DNAH2: variants seen among roughly 807,000 people sequenced by gnomAD.
The protein encoded by DNAH2 is axonemal beta dynein heavy chain 2.
DNAH2 carries 323 observed loss-of-function variants against 523.5 expected under a neutral mutation model. The observed-to-expected ratio is 0.62, with a 90% CI of 0.56 to 0.68. The LOEUF is 0.68. Ranked by LOEUF, DNAH2 falls within the 30% of genes least tolerant of loss-of-function variation. The probability of loss-of-function intolerance (pLI) is 0.00; values close to 1 mark genes in which losing one functional copy is unlikely to be tolerated. For missense variants in DNAH2, 4,907 were observed against 5,701.5 expected (o/e 0.86, Z 4.49); for synonymous variants, 2,093 against 2,177.4 (o/e 0.96, Z 1.08).
chr17:7,722,198 G>T (rs76039527), intron 2 of DNAH2, among the ~76,000 whole-genome samples: 6 of 132,458 alleles, frequency 4.5e-5, no homozygotes, highest in African/African-American at 1.7e-4. Context: ...GGGGGGGGGG[G>T]TTCACCATCT....
In DNAH2 at chr17:7,828,311, T is replaced by G. The variant is rs1326873135; in HGVS notation, c.11854-1989T>G. Reference sequence around the variant, plus strand: ...CTTACCTTATTCTTCTTCAGGCTATTCTTGACCTTTTATTCTTCAATATAA... The same window carrying G: ...CTTACCTTATTCTTCTTCAGGCTATGCTTGACCTTTTATTCTTCAATATAA... On this transcript the variant is annotated intron_variant, in intron 77 of 85. Transcript: ENST00000572933. This position sits in a 1 kb window ranked among gnomAD's most constrained non-coding sequence, Gnocchi z 4.1. 6.6e-6 allele frequency among the ~76,000 whole-genome samples: 1 copy of G among 152,186 alleles called. No individual in the cohort carries two copies. Among genetic ancestry groups the G allele is most frequent in the East Asian group, 1.9e-4 (1 of 5,204 alleles).
In DNAH2 at chr17:7,775,047, G is replaced by A. The variant is rs113195337; in HGVS notation, c.4719+71G>A. 4,117 of 1,490,728 alleles carry A rather than the reference G, an allele frequency of 2.8e-3. 88 individuals are homozygous for A. In the African/African-American group the frequency reaches 0.047, roughly 17 times the overall value. The allele number at this position is 1,490,728 out of a possible 1,614,324, so 92.3% of individuals were successfully genotyped here. On this transcript the variant is annotated intron_variant, in intron 29 of 85. Transcript: ENST00000572933. ...GTGTTGGGGTATGAAAAGCTTTGGA[G>A]GGGACCCTGCCCTCCCAAAAGGAGG... is the stretch of plus-strand genomic sequence containing the variant.
rs2076565968 is a variant in DNAH2 at position 7,780,214 on chromosome 17, C to T, written c.5780C>T (p.Ala1927Val). 1 of 1,614,184 alleles carries T rather than the reference C, an allele frequency of 6.2e-7. No individual in the cohort carries two copies. Among genetic ancestry groups the T allele is most frequent in the African/African-American group, 1.3e-5 (1 of 75,048 alleles). The change falls in exon 37 of 86, where the codon GCC (alanine) becomes GTC (valine). Residue 1927 changes from alanine (A) to valine (V), a missense_variant. Ala to Val is a moderately conservative substitution (Grantham distance 64). Transcript: ENST00000572933. This position sits in a 1 kb window ranked among gnomAD's most constrained non-coding sequence, Gnocchi z 4.4. ...ENLKSMFRPI[A>V]MVVPDSTLIA... ...CTTAAATCCATGTTCCGCCCAATTGCCATGGTGGTGCCTGACTCCACCCTC... is the reference window on the plus strand; with the variant it reads ...CTTAAATCCATGTTCCGCCCAATTGTCATGGTGGTGCCTGACTCCACCCTC...
At chr17:7,810,230 A>AT (rs1282618840) in intron 63 of DNAH2, among the ~76,000 whole-genome samples, 21 of 151,308 alleles carry the variant, frequency 1.4e-4, no homozygotes, top group African/African-American at 4.1e-4. Context: ...TTCCTGGCTA[A>AT]TTTTTTATAT....
rs1555575669 is a variant in DNAH2 at position 7,823,345 on chromosome 17, T to TAG, written c.11143-96_11143-95insGA. ...GTTTTCCCACCGAGAGAGAGAAAAA[T>TAG]ACAGAGAGAGAGAGAGAGAGAGAGA... On this transcript the variant is annotated intron_variant, in intron 73 of 85. Transcript: ENST00000572933. The TAG allele has an allele frequency of 7.9e-6, 8 of 1,009,702 alleles. No individual in the cohort carries two copies. The South Asian group carries it at 1.3e-4, about 16-fold the overall frequency. 62.5% of individuals were successfully genotyped at this position (1,009,702 alleles called of 1,614,324 possible).
intron 42 of DNAH2, chr17:7,787,271 G>T: frequency 1.7e-6 from 1 of 590,372 alleles, no homozygotes; most frequent in Non-Finnish European, 2.9e-6. Context: ...GTAGGCTTGG[G>T]CGGCCCTCCT....
rs756908001 is a variant in DNAH2, at chr17:7,817,367, C to T, written c.9972C>T (p.Phe3324=). Residue 3324 remains phenylalanine (F), a synonymous_variant, in exon 65 of 86, where the codon TTC becomes TTT. Transcript: ENST00000572933. ...AAAFLSYMGP[F]LTNYRDEIVN... is the part of the protein sequence containing the mutation. ...CCTTCCTGTCCTACATGGGACCCTT[C>T]CTGACCAACTACCGGGATGAGATTG... The T allele has an allele frequency of 1.6e-5, 26 of 1,613,544 alleles. No individual in the cohort carries two copies. Among genetic ancestry groups the T allele is most frequent in the Non-Finnish European group, 2.1e-5 (25 of 1,179,914 alleles).
intron 3 of DNAH2, among the ~76,000 whole-genome samples, chr17:7,726,381 G>A (rs113484109): frequency 6.6e-5 from 10 of 151,080 alleles, no homozygotes; most frequent in African/African-American, 2.2e-4. Context: ...TCGGCTCACT[G>A]CAATCTCTGA....
chr17:7,801,804 C>T (rs978063867), intron 57 of DNAH2, 74 bp from the exon 58 acceptor site: 2 of 1,609,732 alleles, frequency 1.2e-6, no homozygotes, highest in Middle Eastern at 1.7e-4. Context: ...CTCCTTCCCG[C>T]CTCTCATCGC....
At chr17:7,819,516 G>A in intron 72 of DNAH2, 108 bp downstream of exon 72, 1 of 1,198,136 alleles carries the variant, frequency 8.3e-7, no homozygotes, top group Admixed American at 1.9e-5. Flanking sequence ...GCCTGCCGCT[G>A]TCCTTGGCAT....
At chr17:7,818,291 C>T (rs2077742052) in intron 68 of DNAH2, 21 bp from the exon 69 acceptor site, 2 of 1,613,130 alleles carry the variant, frequency 1.2e-6, no homozygotes, top group Non-Finnish European at 8.5e-7. Flanking sequence ...GTCCTTGCCC[C>T]TGACCCTTCC....
At chr17:7,796,362 TGACACCCCC>T in intron 49 of DNAH2, 93 bp from the exon 50 acceptor site, 1 of 1,361,710 alleles carries the variant, frequency 7.3e-7, no homozygotes, top group Non-Finnish European at 9.9e-7. Flanking sequence ...GGATTTTTTT[TGACACCCCC>T]TTAAATTGTG....
intron 44 of DNAH2, among the ~76,000 whole-genome samples, chr17:7,788,706 T>G (rs1194212855): frequency 6.6e-6 from 1 of 152,180 alleles, no homozygotes; most frequent in Non-Finnish European, 1.5e-5. Flanking sequence ...AGTTTAGAAG[T>G]AAGGACCAAA....
chr17:7,793,295 T>C, intron 48 of DNAH2, 90 bp downstream of exon 48: 1 of 1,349,426 alleles, frequency 7.4e-7, no homozygotes, highest in African/African-American at 1.4e-5. Context: ...GCTATGGTCC[T>C]GTCATCTTGG....
At chr17:7,730,609 C>T (rs2074955186) in intron 4 of DNAH2, among the ~76,000 whole-genome samples, 1 of 152,120 alleles carries the variant, frequency 6.6e-6, no homozygotes, top group Admixed American at 6.5e-5. Flanking sequence ...GAATATTTAA[C>T]TTGAATCTGG....
intron 7 of DNAH2, 41 bp downstream of exon 7, chr17:7,734,749 G>A: frequency 1.3e-6 from 2 of 1,597,288 alleles, no homozygotes; most frequent in East Asian, 2.2e-5. Flanking sequence ...AGCAAGAAGT[G>A]GGCAATGGTT....
rs199710585 is a variant in DNAH2, at chr17:7,787,904, G to A, written c.6648G>A (p.Pro2216=). ...TGGAGGACCTGGCAATGGCCTCTCC[G>A]GCCACTGTATCCCGCTGCGGGATGG... ...FEVEDLAMAS[P]ATVSRCGMVY... Residue 2216 remains proline, a synonymous_variant, in exon 43 of 86, where the codon CCG becomes CCA. Coordinates refer to ENST00000572933, the MANE Select transcript of DNAH2 (RefSeq NM_020877.5). 9.0e-5 allele frequency: 146 copies of A among 1,614,118 alleles called. 1 individual carries two copies. The South Asian group carries it at 1.2e-3, about 13-fold the overall frequency.
At chr17:7,827,712 T>C (rs1245483332) in intron 77 of DNAH2, among the ~76,000 whole-genome samples, 1 of 151,434 alleles carries the variant, frequency 6.6e-6, no homozygotes, top group Non-Finnish European at 1.5e-5. Context: ...TTCCAAACTG[T>C]TGGGATTACA....
intron 21 of DNAH2, among the ~76,000 whole-genome samples, chr17:7,765,987 G>A (rs756893083): frequency 3.9e-5 from 6 of 152,038 alleles, no homozygotes; most frequent in East Asian, 1.9e-4. Context: ...CCATGTTGGC[G>A]AGGATGGTCT....
Sources: allele counts gnomAD v4.1 joint callset (sites outside exome capture counted in the v4.1 genomes callset), GRCh38; gene constraint gnomAD v4.1.1; non-coding constraint Gnocchi (gnomAD v3.1); transcripts MANE v1.5; gene names NCBI Gene and HGNC (gene_info 2026-07-23, HGNC 2026-07-21).